Variants in NPAS3 observed in about 807,000 individuals in gnomAD.
The protein encoded by NPAS3 is neuronal PAS domain protein 3, also known as neuronal PAS domain-containing protein 3.
In NPAS3, 14 loss-of-function variants were observed where a neutral mutation model predicts 73.1. That is an observed-to-expected ratio of 0.19 (90% CI 0.13 to 0.30). NPAS3 has a LOEUF of 0.30. NPAS3 is among the 10% of genes least tolerant of loss of function. The pLI is 1.00. For missense variants in NPAS3, 1,096 were observed against 1,250.0 expected (o/e 0.88, Z 1.86); for synonymous variants, 620 against 541.5 (o/e 1.14, Z -2.01).
At chr14:33,181,471 T>C (rs2045798180) in intron 2 of NPAS3, among the ~76,000 whole-genome samples, 1 of 152,198 alleles carries the variant, frequency 6.6e-6, no homozygotes, top group African/African-American at 2.4e-5. Flanking sequence ...AATGAGTCCC[T>C]CCCATGTGAT....
intron 6 of NPAS3, among the ~76,000 whole-genome samples, chr14:33,696,019 T>G (rs1433244132): frequency 3.3e-5 from 5 of 152,210 alleles, no homozygotes; most frequent in African/African-American, 1.2e-4. Context: ...TTTCTTCTCT[T>G]TATTTAGGAA....
intron 2 of NPAS3, among the ~76,000 whole-genome samples, chr14:33,100,029 AT>A (rs1156854980): frequency 6.6e-6 from 1 of 152,224 alleles, no homozygotes; most frequent in Non-Finnish European, 1.5e-5. Context: ...TTTGCTAAGA[AT>A]TTTTAAATAT....
chr14:33,540,628 G>C (rs2054467357), intron 4 of NPAS3, among the ~76,000 whole-genome samples: 2 of 152,020 alleles, frequency 1.3e-5, no homozygotes, highest in Non-Finnish European at 2.9e-5. Context: ...CTATTCTCTG[G>C]GAATAGGGAA....
At chr14:33,285,857 T>G (rs1026655135) in intron 3 of NPAS3, among the ~76,000 whole-genome samples, 1 of 152,204 alleles carries the variant, frequency 6.6e-6, no homozygotes, top group Non-Finnish European at 1.5e-5. Flanking sequence ...GCTTTATGTA[T>G]GCCACTCCTT....
At chr14:33,230,157 G>A (rs1356606961) in intron 3 of NPAS3, among the ~76,000 whole-genome samples, 6 of 152,174 alleles carry the variant, frequency 3.9e-5, no homozygotes, top group Non-Finnish European at 5.9e-5. Context: ...AACTCTTAAT[G>A]AGCCTGCATT....
chr14:33,334,013 A>T (rs2044102375), intron 3 of NPAS3, among the ~76,000 whole-genome samples: 1 of 152,164 alleles, frequency 6.6e-6, no homozygotes, highest in Non-Finnish European at 1.5e-5. Context: ...GGTAGATTAT[A>T]AAATAAATTC....
In NPAS3 at chr14:33,227,588, C is replaced by T. The variant is rs150995862; in HGVS notation, c.385+12162C>T. On this transcript the variant is annotated intron_variant, in intron 3 of 11. Transcript: ENST00000356141. ...CACATAGCCATTTTCTTGTCATATC[C>T]GTACAAGATGGAAAGAGAAAGAAAG... 5.0e-4 allele frequency among the ~76,000 whole-genome samples: 76 copies of T among 152,192 alleles called. 1 individual carries two copies. The East Asian group carries it at 7.7e-3, about 15-fold the overall frequency.
In NPAS3 at chr14:33,161,552, C is replaced by T. The variant is rs115790702; in HGVS notation, c.141-53630C>T. ...ATACTAATACATTGGTATCACTGTACTTGACATTGTGGTTTATGTTTCAAA... is the reference window on the plus strand; with the variant it reads ...ATACTAATACATTGGTATCACTGTATTTGACATTGTGGTTTATGTTTCAAA... On this transcript the variant is annotated intron_variant, in intron 2 of 11. Transcript: ENST00000356141. Among the ~76,000 whole-genome samples the T allele has an allele frequency of 3.4e-3, 513 of 152,288 alleles. 2 individuals carry two copies. The highest frequency in any genetic ancestry group is 0.011 in the African/African-American group (443 of 41,558).
rs547236838 is a variant in NPAS3, at chr14:33,229,292, A to C, written c.385+13866A>C. Among the ~76,000 whole-genome samples the C allele has an allele frequency of 7.2e-5, 11 of 152,316 alleles. 1 individual carries two copies. Among genetic ancestry groups the C allele is most frequent in the Admixed American group, 7.2e-4 (11 of 15,292 alleles). Reference sequence around the variant, plus strand: ...ATAGCTTTGCTTTTCATAGAGATGGAAAGAGAGAAGTTTGAATGAAGTGTA... The same window carrying C: ...ATAGCTTTGCTTTTCATAGAGATGGCAAGAGAGAAGTTTGAATGAAGTGTA... On this transcript the variant is annotated intron_variant, in intron 3 of 11. Coordinates refer to ENST00000356141, the Ensembl canonical transcript of NPAS3.
At chr14:33,744,965 G>T (rs1487539523) in intron 7 of NPAS3, among the ~76,000 whole-genome samples, 3 of 152,120 alleles carry the variant, frequency 2.0e-5, no homozygotes, top group Admixed American at 6.5e-5. Flanking sequence ...TCTAGACCGT[G>T]TGCAGTGGCT....
intron 1 of NPAS3, among the ~76,000 whole-genome samples, chr14:33,016,598 T>C (rs1187145104): frequency 7.7e-6 from 1 of 129,846 alleles, no homozygotes; most frequent in Non-Finnish European, 1.6e-5. Flanking sequence ...AAGTTGTGTA[T>C]GGAAACAGAA....
chr14:33,085,177 G>T (rs1385142419), intron 2 of NPAS3, among the ~76,000 whole-genome samples: 1 of 152,120 alleles, frequency 6.6e-6, no homozygotes, highest in African/African-American at 2.4e-5. Flanking sequence ...TGATATTCCA[G>T]TTCTTTCCAG....
At chr14:33,283,083 G>A (rs2041696840) in intron 3 of NPAS3, among the ~76,000 whole-genome samples, 1 of 152,192 alleles carries the variant, frequency 6.6e-6, no homozygotes, top group African/African-American at 2.4e-5. Context: ...GCAGAGAAGG[G>A]ATGCTGATGC....
chr14:33,157,983 T>A (rs1358197810), intron 2 of NPAS3, among the ~76,000 whole-genome samples: 1 of 152,330 alleles, frequency 6.6e-6, no homozygotes, highest in African/African-American at 2.4e-5. Flanking sequence ...TGGCTGGTAA[T>A]AATGATACTA....
In NPAS3 at chr14:33,527,837, C is replaced by T. The variant is rs117488896; in HGVS notation, c.469-32284C>T. On this transcript the variant is annotated intron_variant, in intron 4 of 11. Transcript: ENST00000356141. ...ACAACGCTGGGTTTTAAGGGACTTT[C>T]AGATATTGCATCCTGATCTCCCTGC... Among the ~76,000 whole-genome samples, 31 of 152,176 alleles carry T rather than the reference C, an allele frequency of 2.0e-4. No individual in the cohort carries two copies. In the East Asian group the frequency reaches 6.0e-3, roughly 29 times the overall value.
intron 4 of NPAS3, among the ~76,000 whole-genome samples, chr14:33,374,824 T>C (rs952372422): frequency 6.6e-6 from 1 of 151,744 alleles, no homozygotes; most frequent in African/African-American, 2.4e-5. Context: ...AAAGTGAAAA[T>C]ACCTAAAACA....
chr14:33,294,917 G>T (rs1298598572), intron 3 of NPAS3, among the ~76,000 whole-genome samples: 1 of 152,296 alleles, frequency 6.6e-6, no homozygotes, highest in East Asian at 1.9e-4. Flanking sequence ...GGAATGTGGG[G>T]CCAGATCTTT....
intron 1 of NPAS3, among the ~76,000 whole-genome samples, chr14:33,024,070 G>C (rs74664399): frequency 6.6e-6 from 1 of 152,148 alleles, no homozygotes; most frequent in East Asian, 1.9e-4. Flanking sequence ...CAGAACAAGA[G>C]CAATACACAT....
At chr14:33,601,326 G>A (rs1430950684) in intron 5 of NPAS3, among the ~76,000 whole-genome samples, 1 of 152,214 alleles carries the variant, frequency 6.6e-6, no homozygotes, top group Non-Finnish European at 1.5e-5. Flanking sequence ...AGTGCCCCAG[G>A]TTGGCAAATC....
Sources: gnomAD v4.1 joint callset for allele counts (sites outside exome capture counted in the v4.1 genomes callset) on GRCh38, gnomAD v4.1.1 for gene constraint, MANE v1.5 for transcripts, NCBI Gene and HGNC (gene_info 2026-07-23, HGNC 2026-07-21) for gene names.